PRKN: variants seen among roughly 807,000 people sequenced by gnomAD.
PRKN encodes E3 ubiquitin-protein ligase parkin.
A neutral mutation model predicts 59.5 loss-of-function variants in PRKN; 56 were observed. The observed-to-expected ratio is 0.94, with a 90% CI of 0.76 to 1.18. The LOEUF (loss-of-function observed/expected upper bound fraction) is 1.18, where lower values mean the gene tolerates loss of function less well. Among genes scored for constraint, PRKN ranks in the 50% most tolerant of loss-of-function variants. The pLI, the probability that PRKN is intolerant of heterozygous loss-of-function variation, is 0.00. For synonymous variants in PRKN, 250 were observed against 222.1 expected, an observed-to-expected ratio of 1.13 and a Z score of -1.12; for missense variants, 657 against 596.4, an observed-to-expected ratio of 1.10 and a Z score of -1.06.
chr6:161,610,492 T>TACACACACAC (rs370179659), intron 7 of PRKN, among the ~76,000 whole-genome samples: 2,595 of 139,800 alleles, frequency 0.019, 77 homozygotes, highest in African/African-American at 0.064. Context: ...ATATTAATAA[T>TACACACACAC]ACACACACAC....
chr6:162,425,763 A>T (rs1242271432), intron 2 of PRKN, among the ~76,000 whole-genome samples: 1 of 152,230 alleles, frequency 6.6e-6, no homozygotes, highest in East Asian at 1.9e-4. Context: ...AAAAAGTCCA[A>T]CATATAATGA....
chr6:162,586,508 G>T (rs1279944445), intron 1 of PRKN, among the ~76,000 whole-genome samples: 1 of 152,146 alleles, frequency 6.6e-6, no homozygotes, highest in Non-Finnish European at 1.5e-5. Flanking sequence ...ACCATGTTCT[G>T]GTTGGTGAGT....
At chr6:162,519,946 C>T (rs1778020051) in intron 1 of PRKN, among the ~76,000 whole-genome samples, 1 of 152,144 alleles carries the variant, frequency 6.6e-6, no homozygotes, top group Non-Finnish European at 1.5e-5. Context: ...TATATTCACT[C>T]ATGTTAAAAA....
Position 161,456,882 on chromosome 6 carries a change from G to A in PRKN, c.1084-70005C>T, listed in dbSNP as rs1789995191. ...TTGCTCAGGGAACCTTTTCTCCTAGGCAAACAGAGGTAGTGTGGCAGCTGG... is the reference window on the plus strand; with the variant it reads ...TTGCTCAGGGAACCTTTTCTCCTAGACAAACAGAGGTAGTGTGGCAGCTGG... On this transcript the variant is annotated intron_variant, in intron 9 of 11. Transcript: ENST00000366898. This position sits in a 1 kb window ranked among gnomAD's most constrained non-coding sequence, Gnocchi z 4.8. Among the ~76,000 whole-genome samples the A allele has an allele frequency of 6.6e-6, 1 of 152,152 alleles. No individual in the cohort carries two copies. Among genetic ancestry groups the A allele is most frequent in the Admixed American group, 6.5e-5 (1 of 15,278 alleles).
In PRKN at chr6:162,494,081, C is replaced by A. The variant is rs554346199; in HGVS notation, c.8-50608G>T. Among the ~76,000 whole-genome samples, 6 of 152,302 alleles carry A rather than the reference C, an allele frequency of 3.9e-5. No homozygotes were observed. In the South Asian group the frequency reaches 1.0e-3, roughly 26 times the overall value. ...CTCATTGTGGAGATGCTGCAATGTGCCACTGTGGCTGTCTGGACTACATTT... is the reference window on the plus strand; with the variant it reads ...CTCATTGTGGAGATGCTGCAATGTGACACTGTGGCTGTCTGGACTACATTT... On this transcript the variant is annotated intron_variant, in intron 1 of 11. Coordinates refer to ENST00000366898, the MANE Select transcript of PRKN (RefSeq NM_004562.3).
At chr6:162,188,555 A>C (rs934338138) in intron 4 of PRKN, among the ~76,000 whole-genome samples, 1 of 152,164 alleles carries the variant, frequency 6.6e-6, no homozygotes, top group African/African-American at 2.4e-5. Flanking sequence ...TTAAGAGCAC[A>C]TTCACCTTCT....
At chr6:161,723,285 G>T (rs1787303269) in intron 7 of PRKN, among the ~76,000 whole-genome samples, 1 of 151,704 alleles carries the variant, frequency 6.6e-6, no homozygotes, top group African/African-American at 2.4e-5. Context: ...AAAAAAAAGT[G>T]CATGTCTACA....
chr6:161,676,735 C>A (rs560695838), intron 7 of PRKN, among the ~76,000 whole-genome samples: 1 of 152,102 alleles, frequency 6.6e-6, no homozygotes, highest in Non-Finnish European at 1.5e-5. Flanking sequence ...CAAAGGCTGG[C>A]CTGTTTTGGG....
chr6:162,601,626 G>A (rs907336689), intron 1 of PRKN, among the ~76,000 whole-genome samples: 1 of 152,060 alleles, frequency 6.6e-6, no homozygotes. Context: ...AATGTTTTCT[G>A]AAGTATAGCT....
At chr6:161,674,438 G>C (rs1785017462) in intron 7 of PRKN, among the ~76,000 whole-genome samples, 1 of 152,046 alleles carries the variant, frequency 6.6e-6, no homozygotes, top group South Asian at 2.1e-4. Context: ...GGCTGTTCAA[G>C]GATTTACTCC....
At chr6:161,450,723 A>AT (rs370715278) in intron 9 of PRKN, among the ~76,000 whole-genome samples, 7 of 151,954 alleles carry the variant, frequency 4.6e-5, no homozygotes, top group Non-Finnish European at 7.4e-5. Context: ...CACCCAGCTA[A>AT]TTTTTGTATT....
At position 162,555,981 on chromosome 6, in the gene PRKN, C is replaced by CAA. The variant is rs772336975; in HGVS notation, c.8-112510_8-112509dup. The stretch of plus-strand genomic sequence containing the variant: ...GGGCAACAAGAGCGAAACTCCATCT[C>CAA]AAAAAAAAAAAAAAAAAAGTGAGAA... On this transcript the variant is annotated intron_variant, in intron 1 of 11. Coordinates refer to ENST00000366898, the MANE Select transcript of PRKN (RefSeq NM_004562.3). Among the ~76,000 whole-genome samples the CAA allele has an allele frequency of 4.3e-3, 389 of 90,240 alleles. 10 individuals carry two copies. Among genetic ancestry groups the CAA allele is most frequent in the East Asian group, 0.018 (43 of 2,380 alleles). The allele number at this position is 90,240 out of a possible 152,430, so 59.2% of individuals were successfully genotyped here. A position where few individuals can be genotyped will look rare whatever the true frequency, so the allele number is the denominator to read the frequency against.
intron 5 of PRKN, among the ~76,000 whole-genome samples, chr6:162,044,072 A>G (rs569156258): frequency 1.6e-4 from 25 of 152,310 alleles, no homozygotes. Flanking sequence ...ATTTACCTTT[A>G]TTCACACTTT....
At chr6:161,358,211 A>T (rs977252296) in intron 11 of PRKN, among the ~76,000 whole-genome samples, 9 of 152,208 alleles carry the variant, frequency 5.9e-5, no homozygotes, top group Non-Finnish European at 1.3e-4. Flanking sequence ...TGGGTCAAAT[A>T]ATATAAAGTC....
chr6:161,427,557 T>C, intron 9 of PRKN, among the ~76,000 whole-genome samples: 1 of 152,188 alleles, frequency 6.6e-6, no homozygotes. Flanking sequence ...AGTCTATATC[T>C]TGTCTGGGTT....
At chr6:162,390,665 A>C (rs1787137234) in intron 2 of PRKN, among the ~76,000 whole-genome samples, 1 of 151,654 alleles carries the variant, frequency 6.6e-6, no homozygotes, top group Non-Finnish European at 1.5e-5. Flanking sequence ...CTGATCTCGA[A>C]CTCCTGACCT....
intron 4 of PRKN, among the ~76,000 whole-genome samples, chr6:162,194,300 C>G (rs1784409344): frequency 6.6e-6 from 1 of 152,188 alleles, no homozygotes; most frequent in African/African-American, 2.4e-5. Flanking sequence ...AATAAAAATA[C>G]TTGAATAAAT....
chr6:162,537,352 C>T (rs1218200399), intron 1 of PRKN, among the ~76,000 whole-genome samples: 2 of 152,200 alleles, frequency 1.3e-5, no homozygotes, highest in Non-Finnish European at 2.9e-5. Context: ...CAACAAGTAT[C>T]ACCACATGTT....
intron 2 of PRKN, among the ~76,000 whole-genome samples, chr6:162,440,273 T>A (rs941050714): frequency 1.3e-5 from 2 of 152,128 alleles, no homozygotes; most frequent in Non-Finnish European, 2.9e-5. Context: ...TCTATGAAAA[T>A]TTTTTAGATG....
Sources: gnomAD v4.1 joint callset for allele counts (sites outside exome capture counted in the v4.1 genomes callset) on GRCh38, gnomAD v4.1.1 for gene constraint, Gnocchi (gnomAD v3.1) non-coding constraint, MANE v1.5 for transcripts, NCBI Gene and HGNC (gene_info 2026-07-23, HGNC 2026-07-21) for gene names.